The following ADAMTS3 variants were observed in gnomAD, a reference collection of about 807,000 sequenced individuals.
ADAMTS3 encodes A disintegrin and metalloproteinase with thrombospondin motifs 3.
In ADAMTS3, 73 loss-of-function variants were observed where a neutral mutation model predicts 129.0. The observed-to-expected ratio is 0.57, with a 90% CI of 0.47 to 0.69. The LOEUF is 0.69. Among genes scored for constraint, ADAMTS3 ranks in the 30% least tolerant of loss-of-function variants. The probability of loss-of-function intolerance (pLI) is 0.00; values close to 1 mark genes in which losing one functional copy is unlikely to be tolerated. For missense variants in ADAMTS3, 1,457 were observed against 1,514.5 expected, an observed-to-expected ratio of 0.96 and a Z score of 0.63; for synonymous variants, 477 against 510.8, an observed-to-expected ratio of 0.93 and a Z score of 0.89.
chr4:72,291,652 G>C (rs1395701241), intron 19 of ADAMTS3, among the ~76,000 whole-genome samples: 1 of 151,578 alleles, frequency 6.6e-6, no homozygotes, highest in Non-Finnish European at 1.5e-5. Context: ...GTCTATCATT[G>C]TTGGACATTT....
intron 3 of ADAMTS3, among the ~76,000 whole-genome samples, chr4:72,425,896 G>A (rs1047415188): frequency 4.0e-5 from 6 of 151,692 alleles, no homozygotes; most frequent in South Asian, 2.1e-4. Context: ...CTAGATCCCT[G>A]AGGAATCACC....
intron 4 of ADAMTS3, among the ~76,000 whole-genome samples, chr4:72,379,575 T>C (rs1560493553): frequency 6.6e-6 from 1 of 152,106 alleles, no homozygotes; most frequent in Admixed American, 6.5e-5. Flanking sequence ...TAGTTGACAA[T>C]TTATGATAGA....
At chr4:72,440,356 C>T (rs1560516339) in intron 3 of ADAMTS3, among the ~76,000 whole-genome samples, 2 of 151,778 alleles carry the variant, frequency 1.3e-5, no homozygotes, top group Non-Finnish European at 2.9e-5. Flanking sequence ...ACATGAATAT[C>T]CCTGCCACTA....
intron 3 of ADAMTS3, among the ~76,000 whole-genome samples, chr4:72,500,120 A>C (rs2110022949): frequency 6.6e-6 from 1 of 152,022 alleles, no homozygotes; most frequent in South Asian, 2.1e-4. Flanking sequence ...AGAATGATTT[A>C]TTTTCTTTTG....
At position 72,339,496 on chromosome 4, in the gene ADAMTS3, T is replaced by A. The variant is rs374267184; in HGVS notation, c.859A>T (p.Ile287Phe). The change falls in exon 5 of 22, where the codon ATT (isoleucine) becomes TTT (phenylalanine). Residue 287 changes from isoleucine to phenylalanine, a missense_variant and splice_region_variant. Physicochemically the swap from Ile to Phe is conservative, Grantham distance 21. Transcript: ENST00000286657. ...TTTAAAAAGGAGTCACTACTCACAA[T>A]GTTCATTAGGGTCAGGAGGTAGTTT... The part of the protein sequence containing the change: ...VQNYLLTLMN[I>F]VNEIYHDESL... 5.6e-6 allele frequency: 9 copies of A among 1,613,704 alleles called. No homozygotes were observed. Among genetic ancestry groups the A allele is most frequent in the Non-Finnish European group, 7.6e-6 (9 of 1,179,694 alleles).
intron 3 of ADAMTS3, among the ~76,000 whole-genome samples, chr4:72,493,779 ACTCT>A (rs1274081933): frequency 6.6e-6 from 1 of 151,772 alleles, no homozygotes; most frequent in African/African-American, 2.4e-5. Flanking sequence ...GTGGTGACAA[ACTCT>A]CTCAGTTTTT....
intron 3 of ADAMTS3, among the ~76,000 whole-genome samples, chr4:72,526,568 T>TTGTGTGTG (rs1176903062): frequency 2.5e-4 from 7 of 28,116 alleles, no homozygotes; most frequent in Admixed American, 5.4e-4. Context: ...CTAATGAAAT[T>TTGTGTGTG]TATGTGTGTG....
intron 2 of ADAMTS3, among the ~76,000 whole-genome samples, chr4:72,550,409 A>G (rs1177203779): frequency 6.6e-6 from 1 of 152,194 alleles, no homozygotes; most frequent in Non-Finnish European, 1.5e-5. Context: ...GAAGACAAAT[A>G]AAGGCATTTA....
chr4:72,401,961 G>C (rs186823902), intron 4 of ADAMTS3, among the ~76,000 whole-genome samples: 170 of 152,188 alleles, frequency 1.1e-3, no homozygotes, highest in Admixed American at 1.8e-3. Context: ...AAATATTTAC[G>C]TAACAATAAT....
At chr4:72,524,473 T>C (rs1018115143) in intron 3 of ADAMTS3, among the ~76,000 whole-genome samples, 3 of 152,134 alleles carry the variant, frequency 2.0e-5, no homozygotes, top group Non-Finnish European at 2.9e-5. Flanking sequence ...ATCTTTTTAA[T>C]GTCCTAGGCA....
chr4:72,471,490 C>A (rs1346783311), intron 3 of ADAMTS3, among the ~76,000 whole-genome samples: 3 of 151,856 alleles, frequency 2.0e-5, no homozygotes, highest in African/African-American at 7.3e-5. Flanking sequence ...AGTATAGAAT[C>A]AAAGAATGTT....
At chr4:72,417,932 C>CAAAAAAAAAAAA (rs71215429) in intron 3 of ADAMTS3, among the ~76,000 whole-genome samples, 1 of 120,306 alleles carries the variant, frequency 8.3e-6, no homozygotes. Flanking sequence ...GACTCCATCT[C>CAAAAAAAAAAAA]AAAAAAAAAA....
chr4:72,464,327 T>TTA (rs1560525831), intron 3 of ADAMTS3, among the ~76,000 whole-genome samples: 2 of 151,958 alleles, frequency 1.3e-5, no homozygotes, highest in African/African-American at 4.8e-5. Flanking sequence ...GAATAAATGG[T>TTA]TATAGGTCTC....
chr4:72,317,903 C>A (rs1719442020), intron 10 of ADAMTS3, among the ~76,000 whole-genome samples: 1 of 151,998 alleles, frequency 6.6e-6, no homozygotes, highest in Non-Finnish European at 1.5e-5. Flanking sequence ...GTGGTGCATG[C>A]CTGTAATCCC....
chr4:72,557,609 G>A (rs1056038994), intron 2 of ADAMTS3, among the ~76,000 whole-genome samples: 1 of 151,564 alleles, frequency 6.6e-6, no homozygotes, highest in Admixed American at 6.6e-5. Context: ...GAATAGTTGT[G>A]TACTTAAATT....
chr4:72,335,893 A>G lies in ADAMTS3; in HGVS notation c.861+3601T>C, dbSNP rs538389459. On this transcript the variant is annotated intron_variant, in intron 5 of 21. Coordinates refer to ENST00000286657, the MANE Select transcript of ADAMTS3 (RefSeq NM_014243.3). ...CGTGATCTACCTCTACATTATTTAT[A>G]TTCATTTGTTCTTCTTTCATTAAAT... Among the ~76,000 whole-genome samples the G allele has an allele frequency of 2.6e-5, 4 of 152,230 alleles. No individual in the cohort carries two copies. The East Asian group carries it at 7.7e-4, about 29-fold the overall frequency.
chr4:72,516,461 A>T (rs370969419), intron 3 of ADAMTS3, among the ~76,000 whole-genome samples: 8 of 152,002 alleles, frequency 5.3e-5, no homozygotes, highest in African/African-American at 1.7e-4. Context: ...ATTCTTCCTA[A>T]CCATGAGCAT....
chr4:72,568,717 C>T lies in ADAMTS3; in HGVS notation c.46G>A (p.Val16Ile), dbSNP rs1304380459. 1.2e-6 allele frequency: 2 copies of T among 1,613,768 alleles called. No homozygotes were observed. The highest frequency in any genetic ancestry group is 4.5e-5 in the East Asian group (2 of 44,858). The change falls in exon 1 of 22, where the codon GTT (valine) becomes ATT (isoleucine). Residue 16 changes from valine (V) to isoleucine (I), a missense_variant. Physicochemically the swap from Val to Ile is conservative, Grantham distance 29. Transcript: ENST00000286657. ...ACTTGTCCATCAGCTGAAGTCCTAACCTCTACCAGAGCGGCTGCTATCAAC... is the reference window on the plus strand; with the variant it reads ...ACTTGTCCATCAGCTGAAGTCCTAATCTCTACCAGAGCGGCTGCTATCAAC... ...LWLIAAALVE[V>I]RTSADGQAGN...
At chr4:72,335,324 G>A (rs1224223540) in intron 5 of ADAMTS3, among the ~76,000 whole-genome samples, 1 of 152,000 alleles carries the variant, frequency 6.6e-6, no homozygotes, top group Non-Finnish European at 1.5e-5. Flanking sequence ...GAATTTTACC[G>A]CATTCATACG....
Sources: gnomAD v4.1 joint callset for allele counts (sites outside exome capture counted in the v4.1 genomes callset) on GRCh38, gnomAD v4.1.1 for gene constraint, MANE v1.5 for transcripts, NCBI Gene and HGNC (gene_info 2026-07-23, HGNC 2026-07-21) for gene names.